FBLN1: variants seen among roughly 807,000 people sequenced by gnomAD.
FBLN1 encodes fibulin 1.
FBLN1 carries 34 observed loss-of-function variants against 89.7 expected under a neutral mutation model. The observed-to-expected ratio is 0.38, with a 90% confidence interval of 0.29 to 0.50. The LOEUF (loss-of-function observed/expected upper bound fraction) is 0.50, where lower values mean the gene tolerates loss of function less well. Ranked by LOEUF, FBLN1 falls within the 20% of genes least tolerant of loss-of-function variation. The pLI is 0.92. For synonymous variants in FBLN1, 393 were observed against 391.3 expected (o/e 1.00, Z -0.05); for missense variants, 777 against 988.1 (o/e 0.79, Z 2.86).
chr22:45,542,232 T>C lies in FBLN1; in HGVS notation c.1144T>C (p.Cys382Arg), dbSNP rs1188699056. The change falls in exon 10 of 17, where the codon TGC becomes CGC. Residue 382 changes from cysteine to arginine, a missense_variant. Transcript: ENST00000327858. ...CGTGAACTCTCCCGGCAGTTTCCGC[T>C]GCGAATGCAAGACGGGTTACTATTT... ...RCVNSPGSFR[C>R]ECKTGYYFDG... 6.2e-7 allele frequency: 1 copy of C among 1,614,154 alleles called. No individual in the cohort carries two copies. The highest frequency in any genetic ancestry group is 8.5e-7 in the Non-Finnish European group (1 of 1,180,038).
In FBLN1 at chr22:45,600,515, G is replaced by A; in HGVS notation, c.*69G>A. 6.3e-7 allele frequency: 1 copy of A among 1,585,544 alleles called. No homozygotes were observed. The highest frequency in any genetic ancestry group is 2.2e-5 in the East Asian group (1 of 44,750). ...TCATTGCTGCCAGTGACTGTGGTCT[G>A]TACTTGTTTATACCCTCAGACTTTT... On this transcript the variant is annotated 3_prime_UTR_variant, in exon 17 of 17. Transcript: ENST00000327858.
intron 1 of FBLN1, chr22:45,518,460 G>A: frequency 3.3e-6 from 2 of 606,760 alleles, no homozygotes; most frequent in East Asian, 2.9e-5. Flanking sequence ...TTCAGATGGG[G>A]GAGGATTCAG....
At position 45,530,347 on chromosome 22, in the gene FBLN1, C is replaced by T. The variant is rs974471404; in HGVS notation, c.485-918C>T. ...CAGCTCCAGATGTTAGATGTTTTAT[C>T]TCTCCGTCTTTTATCTGCTTCAGTC... On this transcript the variant is annotated intron_variant, in intron 4 of 16. Coordinates refer to ENST00000327858, the MANE Select transcript of FBLN1 (RefSeq NM_006486.3). This position sits in a 1 kb window ranked among gnomAD's most constrained non-coding sequence, Gnocchi z 5.4. 6.6e-6 allele frequency among the ~76,000 whole-genome samples: 1 copy of T among 152,040 alleles called. No individual in the cohort carries two copies. The highest frequency in any genetic ancestry group is 6.6e-5 in the Admixed American group (1 of 15,262).
Position 45,563,791 on chromosome 22 carries a change from G to A in FBLN1, c.1698-10720G>A, listed in dbSNP as rs754805275. Among the ~76,000 whole-genome samples, 3 of 152,182 alleles carry A rather than the reference G, an allele frequency of 2.0e-5. No homozygotes were observed. The highest frequency in any genetic ancestry group is 4.8e-5 in the African/African-American group (2 of 41,430). On this transcript the variant is annotated intron_variant, in intron 14 of 16. Transcript: ENST00000327858. The surrounding 1 kb of genome is among the most constrained non-coding windows in gnomAD (Gnocchi z 5.7). Reference sequence around the variant, plus strand: ...CTGCCTGGTTCTTTGCTGTATCCCCGGAGGTGAGCATTTCACTGAGACAAG... The same window carrying A: ...CTGCCTGGTTCTTTGCTGTATCCCCAGAGGTGAGCATTTCACTGAGACAAG...
At chr22:45,570,319 C>CAAAAA (rs761469854) in intron 14 of FBLN1, among the ~76,000 whole-genome samples, 155 of 35,758 alleles carry the variant, frequency 4.3e-3, no homozygotes, top group Non-Finnish European at 5.1e-3. Flanking sequence ...GACTCTGTCT[C>CAAAAA]AAAAAAAAAA....
intron 1 of FBLN1, among the ~76,000 whole-genome samples, chr22:45,510,206 C>T (rs540750913): frequency 2.0e-5 from 3 of 152,202 alleles, no homozygotes; most frequent in Admixed American, 6.5e-5. Flanking sequence ...TTTTAATGCC[C>T]CGGATTTTGG....
In FBLN1 at chr22:45,533,871, G is replaced by A; in HGVS notation, c.757G>A (p.Glu253Lys). The change falls in exon 7 of 17, where the codon GAG (glutamate) becomes AAG (lysine). Residue 253 changes from glutamate (E) to lysine (K), a missense_variant. Coordinates refer to ENST00000327858, the MANE Select transcript of FBLN1 (RefSeq NM_006486.3). ...GGACAGCAGCTGCGGGACTGGCTAT[G>A]AGCTCACAGAGGACAATAGCTGCAA... ...QRDSSCGTGY[E>K]LTEDNSCKDI... is the part of the protein sequence containing the mutation. 1.2e-6 allele frequency: 2 copies of A among 1,614,126 alleles called. No homozygotes were observed. The highest frequency in any genetic ancestry group is 1.7e-6 in the Non-Finnish European group (2 of 1,180,026).
chr22:45,553,356 G>T (rs933009586), intron 14 of FBLN1, among the ~76,000 whole-genome samples: 6 of 152,200 alleles, frequency 3.9e-5, no homozygotes, highest in African/African-American at 1.2e-4. Flanking sequence ...CTGCTGAGGG[G>T]ACATGTCTGG....
intron 11 of FBLN1, 27 bp downstream of exon 11, chr22:45,543,553 C>T (rs2146983654): frequency 6.2e-7 from 1 of 1,610,092 alleles, no homozygotes. Context: ...GTCCACTCAC[C>T]TCCCCCAGGT....
Position 45,550,708 on chromosome 22 carries a change from C to T in FBLN1, c.1697+93C>T, listed in dbSNP as rs2088691227. On this transcript the variant is annotated intron_variant, in intron 14 of 16. Transcript: ENST00000327858. The surrounding 1 kb of genome is among the most constrained non-coding windows in gnomAD (Gnocchi z 8.4). ...TGGGTGGGTTATCAGGCTGTGACCT[C>T]GGTGTCCTCCCATGAGGGACTCAGG... is the stretch of plus-strand genomic sequence containing the variant. The T allele has an allele frequency of 3.9e-5, 62 of 1,573,938 alleles. No individual in the cohort carries two copies. Among genetic ancestry groups the T allele is most frequent in the Admixed American group, 5.0e-5 (3 of 59,940 alleles).
In FBLN1 at chr22:45,557,755, C is replaced by G. The variant is rs1027436567; in HGVS notation, c.1697+7140C>G. ...CACTCAGAGAGGTCTATCCACATACCTCTTCCCCAAATTTCATTGTCATCA... is the reference window on the plus strand; with the variant it reads ...CACTCAGAGAGGTCTATCCACATACGTCTTCCCCAAATTTCATTGTCATCA... On this transcript the variant is annotated intron_variant, in intron 14 of 16. Transcript: ENST00000327858. This position sits in a 1 kb window ranked among gnomAD's most constrained non-coding sequence, Gnocchi z 4.9. 3.3e-5 allele frequency among the ~76,000 whole-genome samples: 5 copies of G among 152,196 alleles called. No homozygotes were observed. The highest frequency in any genetic ancestry group is 7.3e-5 in the Non-Finnish European group (5 of 68,034).
rs923380286 is a variant in FBLN1, at chr22:45,549,906, C to T, written c.1574-586C>T. Among the ~76,000 whole-genome samples the T allele has an allele frequency of 3.3e-5, 5 of 152,314 alleles. No individual in the cohort carries two copies. Among genetic ancestry groups the T allele is most frequent in the East Asian group, 3.9e-4 (2 of 5,182 alleles). ...CACCAACCCCAACACACAGGCAAGACGTATGATCCCTCGAAGGCTGTTTTT... is the reference window on the plus strand; with the variant it reads ...CACCAACCCCAACACACAGGCAAGATGTATGATCCCTCGAAGGCTGTTTTT... On this transcript the variant is annotated intron_variant, in intron 13 of 16. Coordinates refer to ENST00000327858, the MANE Select transcript of FBLN1 (RefSeq NM_006486.3). This position sits in a 1 kb window ranked among gnomAD's most constrained non-coding sequence, Gnocchi z 5.7.
chr22:45,564,985 A>T (rs2088889945), intron 14 of FBLN1: 2 of 1,613,902 alleles, frequency 1.2e-6, no homozygotes, highest in Non-Finnish European at 1.7e-6. Flanking sequence ...ACCCACCTTG[A>T]TGCCTAGTGA....
intron 1 of FBLN1, among the ~76,000 whole-genome samples, chr22:45,515,183 T>C (rs1366687655): frequency 6.6e-6 from 1 of 152,124 alleles, no homozygotes; most frequent in African/African-American, 2.4e-5. Flanking sequence ...AGTGTTACAG[T>C]GAGGATGATC....
rs78946187 is a variant in FBLN1 at position 45,563,277 on chromosome 22, C to T, written c.1698-11234C>T. 2,180 of 1,613,428 alleles carry T rather than the reference C, an allele frequency of 1.4e-3. 19 individuals carry two copies. The African/African-American group carries it at 0.025, about 19-fold the overall frequency. On this transcript the variant is annotated intron_variant, in intron 14 of 16. Transcript: ENST00000327858. The surrounding 1 kb of genome is among the most constrained non-coding windows in gnomAD (Gnocchi z 5.7). Reference sequence around the variant, plus strand: ...TCTGCAGAGCTCTGAGCACTCGCTTCGCGTCGCGGGGTCTCCCTCCTGTTG... The same window carrying T: ...TCTGCAGAGCTCTGAGCACTCGCTTTGCGTCGCGGGGTCTCCCTCCTGTTG...
chr22:45,531,400 A>G lies in FBLN1; in HGVS notation c.544+76A>G. Reference sequence around the variant, plus strand: ...GCCAGCAAGGTGGCTCAGGCCTGTAATCCTAGTACTTTGGGAAGCCAAGGC... The same window carrying G: ...GCCAGCAAGGTGGCTCAGGCCTGTAGTCCTAGTACTTTGGGAAGCCAAGGC... On this transcript the variant is annotated intron_variant, in intron 5 of 16. Transcript: ENST00000327858. The surrounding 1 kb of genome is among the most constrained non-coding windows in gnomAD (Gnocchi z 4.9). 1.5e-6 allele frequency: 2 copies of G among 1,314,564 alleles called. No individual in the cohort carries two copies. The highest frequency in any genetic ancestry group is 2.4e-5 in the South Asian group (2 of 84,590). The allele number at this position is 1,314,564 out of a possible 1,614,324, so 81.4% of individuals were successfully genotyped here.
chr22:45,525,887 G>A (rs1191256162), intron 3 of FBLN1, among the ~76,000 whole-genome samples: 1 of 152,234 alleles, frequency 6.6e-6, no homozygotes, highest in Admixed American at 6.5e-5. Context: ...GAGGACACCT[G>A]GGGCCGAGTC....
chr22:45,546,816 G>A (rs1158688443), intron 11 of FBLN1, among the ~76,000 whole-genome samples: 3 of 152,206 alleles, frequency 2.0e-5, no homozygotes, highest in Admixed American at 6.5e-5. Context: ...GCCAGGTCGG[G>A]GCAGACTTCC....
At position 45,561,304 on chromosome 22, in the gene FBLN1, C is replaced by T. The variant is rs1169741041; in HGVS notation, c.1697+10689C>T. 1.3e-5 allele frequency among the ~76,000 whole-genome samples: 2 copies of T among 152,196 alleles called. No homozygotes were observed. The highest frequency in any genetic ancestry group is 1.9e-4 in the East Asian group (1 of 5,198). On this transcript the variant is annotated intron_variant, in intron 14 of 16. Coordinates refer to ENST00000327858, the MANE Select transcript of FBLN1 (RefSeq NM_006486.3). This position sits in a 1 kb window ranked among gnomAD's most constrained non-coding sequence, Gnocchi z 4.7. ...GGGCAATCTTAGCAGATTTGAGGCT[C>T]AGTATCTGCTTCTGAAGCTGGGAGA...
Sources: gnomAD v4.1 joint callset for allele counts (sites outside exome capture counted in the v4.1 genomes callset) on GRCh38, gnomAD v4.1.1 for gene constraint, Gnocchi (gnomAD v3.1) non-coding constraint, MANE v1.5 for transcripts, NCBI Gene and HGNC (gene_info 2026-07-23, HGNC 2026-07-21) for gene names.